AP2A1: variants seen among roughly 807,000 people sequenced by gnomAD.
AP2A1 encodes AP-2 complex subunit alpha-1.
In AP2A1, 21 loss-of-function variants were observed where a neutral mutation model predicts 107.3. The ratio of observed to expected loss-of-function variants is 0.20; its 90% CI spans 0.14 to 0.28. The LOEUF (loss-of-function observed/expected upper bound fraction) is 0.28. Ranked by LOEUF, AP2A1 falls within the 10% of genes least tolerant of loss-of-function variation. The pLI is 1.00. For synonymous variants in AP2A1, 602 were observed against 564.8 expected (o/e 1.07, Z -0.93); for missense variants, 873 against 1,307.7 (o/e 0.67, Z 5.13).
chr19:49,780,104 G>A (rs936747435), intron 1 of AP2A1, among the ~76,000 whole-genome samples: 5 of 152,208 alleles, frequency 3.3e-5, no homozygotes. Flanking sequence ...GTGGGTCAGA[G>A]CAGATCTCTG....
At chr19:49,793,518 C>G (rs2073172332) in intron 6 of AP2A1, among the ~76,000 whole-genome samples, 1 of 152,134 alleles carries the variant, frequency 6.6e-6, no homozygotes, top group African/African-American at 2.4e-5. Context: ...GCCTGGCGTC[C>G]CTCTCCCACC....
At chr19:49,773,878 A>G (rs542949454) in intron 1 of AP2A1, among the ~76,000 whole-genome samples, 1 of 152,198 alleles carries the variant, frequency 6.6e-6, no homozygotes, top group African/African-American at 2.4e-5. Context: ...GTAGTGGAGC[A>G]GGGACTTAGG....
chr19:49,800,223 T>TGGCGCCTGCCAGCCCGC, intron 11 of AP2A1, 73 bp downstream of exon 11: 2 of 1,482,552 alleles, frequency 1.3e-6, no homozygotes, highest in Middle Eastern at 1.8e-4. Context: ...GCCGGGGCCG[T>TGGCGCCTGCCAGCCCGC]GGCGCCTGCC....
intron 18 of AP2A1, 24 bp downstream of exon 18, chr19:49,803,400 C>G: frequency 6.3e-7 from 1 of 1,599,558 alleles, no homozygotes. Context: ...CCCGGCCCAG[C>G]CTCCTGCCTC....
chr19:49,806,893 G>T lies in AP2A1; in HGVS notation c.*135G>T. On this transcript the variant is annotated 3_prime_UTR_variant, in exon 23 of 23. Coordinates refer to ENST00000354293, the MANE Select transcript of AP2A1 (RefSeq NM_130787.3). ...TGGGGGATGCCTGGGACTTTCCTCCGGCCTTTTGTATTTTTATTTTTGTTC... is the reference window on the plus strand; with the variant it reads ...TGGGGGATGCCTGGGACTTTCCTCCTGCCTTTTGTATTTTTATTTTTGTTC... The T allele has an allele frequency of 6.5e-7, 1 of 1,544,240 alleles. No individual in the cohort carries two copies. Among genetic ancestry groups the T allele is most frequent in the African/African-American group, 1.4e-5 (1 of 73,140 alleles).
At chr19:49,800,929 G>C in intron 11 of AP2A1, 32 bp from the exon 12 acceptor site, 1 of 1,551,852 alleles carries the variant, frequency 6.4e-7, no homozygotes, top group South Asian at 1.2e-5. Flanking sequence ...GCTCATTGTT[G>C]TCCTCTCCAC....
intron 1 of AP2A1, 141 bp from the exon 2 acceptor site, chr19:49,781,616 G>A: frequency 1.2e-6 from 1 of 829,290 alleles, no homozygotes; most frequent in Non-Finnish European, 1.9e-6. Context: ...CAGAGAAGGG[G>A]TCCTGGCCTG....
At chr19:49,800,857 A>G in intron 11 of AP2A1, 104 bp from the exon 12 acceptor site, 1 of 928,506 alleles carries the variant, frequency 1.1e-6, no homozygotes, top group Non-Finnish European at 1.6e-6. Context: ...CCCCACCTGC[A>G]GCAGAGCTTT....
intron 4 of AP2A1, among the ~76,000 whole-genome samples, chr19:49,787,762 T>C (rs548052261): frequency 1.2e-3 from 181 of 152,262 alleles, no homozygotes; most frequent in African/African-American, 4.2e-3. Flanking sequence ...AAAGACTCTG[T>C]ACCCATTAGC....
At chr19:49,801,207 C>A in intron 12 of AP2A1, 149 bp downstream of exon 12, 1 of 1,016,302 alleles carries the variant, frequency 9.8e-7, no homozygotes, top group Non-Finnish European at 1.4e-6. Flanking sequence ...AAGAAAGGAG[C>A]TTAGTCCCAG....
chr19:49,768,966 C>T (rs2084530603), intron 1 of AP2A1, among the ~76,000 whole-genome samples: 1 of 152,132 alleles, frequency 6.6e-6, no homozygotes, highest in Non-Finnish European at 1.5e-5. Context: ...AATTCCTGTT[C>T]TTGCTGGTCA....
At position 49,788,099 on chromosome 19, in the gene AP2A1, A is replaced by G. The variant is rs2123709739; in HGVS notation, c.474-3836A>G. On this transcript the variant is annotated intron_variant, in intron 4 of 22. Transcript: ENST00000354293. The surrounding 1 kb of genome is among the most constrained non-coding windows in gnomAD (Gnocchi z 4.5). The stretch of plus-strand genomic sequence containing the variant: ...GCAGCCGGGACTACAGGCACAAGCC[A>G]CCAGGCCTGGCTAATATTTGAATTT... Among the ~76,000 whole-genome samples the G allele has an allele frequency of 6.6e-6, 1 of 152,288 alleles. No homozygotes were observed. Among genetic ancestry groups the G allele is most frequent in the East Asian group, 1.9e-4 (1 of 5,188 alleles).
intron 11 of AP2A1, 43 bp from the exon 12 acceptor site, chr19:49,800,918 C>T (rs868510599): frequency 9.9e-6 from 15 of 1,512,478 alleles, no homozygotes; most frequent in African/African-American, 2.8e-5. Flanking sequence ...CCGGAGAGGG[C>T]GCTCATTGTT....
rs1356030900 is a variant in AP2A1 at position 49,807,096 on chromosome 19, A to G, written c.*338A>G. ...GGGCTGTGTATTATTGTGAGCGAAT[A>G]AACAGAGAGACGCTAACAGCCCCAT... is the stretch of plus-strand genomic sequence containing the variant. On this transcript the variant is annotated 3_prime_UTR_variant, in exon 23 of 23. Coordinates refer to ENST00000354293, the MANE Select transcript of AP2A1 (RefSeq NM_130787.3). 1 of 1,607,554 alleles carries G rather than the reference A, an allele frequency of 6.2e-7. No homozygotes were observed. Among genetic ancestry groups the G allele is most frequent in the East Asian group, 2.2e-5 (1 of 44,654 alleles).
chr19:49,793,950 A>G (rs1357251334), intron 6 of AP2A1, among the ~76,000 whole-genome samples: 1 of 113,718 alleles, frequency 8.8e-6, no homozygotes, highest in African/African-American at 3.5e-5. Flanking sequence ...TTCTGTCCCC[A>G]GGCTGGAGTG....
At chr19:49,800,693 A>G in intron 11 of AP2A1, 1 of 363,424 alleles carries the variant, frequency 2.8e-6, no homozygotes, top group East Asian at 6.3e-5. Context: ...CTGGTTTGAA[A>G]CTCCTGAGCT....
At chr19:49,790,470 C>T (rs2073128025) in intron 4 of AP2A1, among the ~76,000 whole-genome samples, 1 of 152,216 alleles carries the variant, frequency 6.6e-6, no homozygotes, top group Admixed American at 6.5e-5. Flanking sequence ...CTCTGCCACC[C>T]AGGCTGCAGC....
chr19:49,781,055 G>A (rs189673400), intron 1 of AP2A1, among the ~76,000 whole-genome samples: 2 of 152,070 alleles, frequency 1.3e-5, no homozygotes, highest in African/African-American at 4.8e-5. Flanking sequence ...GCTCTGAAGG[G>A]GGTGCTGTAG....
At chr19:49,775,576 A>G (rs541541950) in intron 1 of AP2A1, among the ~76,000 whole-genome samples, 5 of 152,182 alleles carry the variant, frequency 3.3e-5, no homozygotes, top group Admixed American at 2.6e-4. Flanking sequence ...CGGCCTCCCA[A>G]AGTGCTGGGA....
Sources: gnomAD v4.1 joint callset for allele counts (sites outside exome capture counted in the v4.1 genomes callset) on GRCh38, gnomAD v4.1.1 for gene constraint, Gnocchi (gnomAD v3.1) non-coding constraint, MANE v1.5 for transcripts, NCBI Gene and HGNC (gene_info 2026-07-23, HGNC 2026-07-21) for gene names.